ST18: variants seen among roughly 807,000 people sequenced by gnomAD.
The protein encoded by ST18 is ST18 C2H2C-type zinc finger transcription factor, also known as suppression of tumorigenicity 18 protein.
In ST18, 50 loss-of-function variants were observed where a neutral mutation model predicts 110.0. The observed-to-expected ratio is 0.45, with a 90% CI of 0.36 to 0.58. ST18 has a LOEUF of 0.58. Ranked by LOEUF, ST18 falls within the 20% of genes least tolerant of loss-of-function variation. The pLI is 0.00. For synonymous variants in ST18, 461 were observed against 452.4 expected (o/e 1.02, Z -0.24); for missense variants, 1,306 against 1,280.1 (o/e 1.02, Z -0.31).
intron 8 of ST18, among the ~76,000 whole-genome samples, chr8:52,187,888 T>C (rs890369200): frequency 2.6e-5 from 4 of 152,236 alleles, no homozygotes; most frequent in African/African-American, 9.6e-5. Flanking sequence ...AAATAATGAT[T>C]ATTAATTAAT....
chr8:52,226,296 CT>C (rs1156505400), intron 3 of ST18, among the ~76,000 whole-genome samples: 1 of 152,136 alleles, frequency 6.6e-6, no homozygotes, highest in East Asian at 1.9e-4. Flanking sequence ...GCATTGCTGT[CT>C]TTGGGGTGGC....
At chr8:52,116,483 C>T (rs899464503) in intron 24 of ST18, 65 bp from the exon 25 acceptor site, 27 of 1,522,074 alleles carry the variant, frequency 1.8e-5, no homozygotes, top group Middle Eastern at 3.5e-4. Context: ...AGGTTTCTCC[C>T]TGAAGGAAAA....
chr8:52,278,680 G>A (rs1338789201), intron 2 of ST18, among the ~76,000 whole-genome samples: 1 of 152,164 alleles, frequency 6.6e-6, no homozygotes, highest in Non-Finnish European at 1.5e-5. Flanking sequence ...CCTACCAAGA[G>A]TAACTGAAAG....
At chr8:52,396,572 G>T (rs1841203939) in intron 2 of ST18, among the ~76,000 whole-genome samples, 1 of 152,134 alleles carries the variant, frequency 6.6e-6, no homozygotes, top group African/African-American at 2.4e-5. Flanking sequence ...CCACATGGCT[G>T]GGGGAGGCCT....
intron 2 of ST18, among the ~76,000 whole-genome samples, chr8:52,361,359 T>G (rs1825661673): frequency 6.6e-6 from 1 of 152,132 alleles, no homozygotes; most frequent in Non-Finnish European, 1.5e-5. Flanking sequence ...ACTAGAGTCT[T>G]GAGGGGGATG....
At chr8:52,138,074 C>T (rs946614077) in intron 17 of ST18, among the ~76,000 whole-genome samples, 4 of 62,294 alleles carry the variant, frequency 6.4e-5, no homozygotes, top group Non-Finnish European at 1.2e-4. Context: ...CACTGGGCAA[C>T]AAGAGTAAAA....
intron 2 of ST18, among the ~76,000 whole-genome samples, chr8:52,252,536 A>G (rs1388503848): frequency 6.6e-6 from 1 of 151,912 alleles, no homozygotes; most frequent in Non-Finnish European, 1.5e-5. Context: ...ACATAATCAC[A>G]TTAGGATCTC....
chr8:52,235,929 A>T (rs115418057), intron 2 of ST18, among the ~76,000 whole-genome samples: 4,472 of 152,284 alleles, frequency 0.029, 123 homozygotes, highest in East Asian at 0.079. Flanking sequence ...GTCAAAAGAA[A>T]ATACTAAACT....
At chr8:52,241,961 ATTTCTCAATATGTTAAAG>A (rs946261502) in intron 2 of ST18, among the ~76,000 whole-genome samples, 16 of 152,092 alleles carry the variant, frequency 1.1e-4, no homozygotes, top group African/African-American at 3.9e-4. Context: ...ACATGTATAC[ATTTCTCAATATGTTAAAG>A]TTTCTCTGCT....
chr8:52,189,997 G>A (rs1213505230), intron 8 of ST18, among the ~76,000 whole-genome samples: 1 of 152,152 alleles, frequency 6.6e-6, no homozygotes, highest in African/African-American at 2.4e-5. Flanking sequence ...TTATATTCTA[G>A]ATGGAATGGC....
At chr8:52,307,033 A>T (rs1013830402) in intron 2 of ST18, among the ~76,000 whole-genome samples, 1 of 152,170 alleles carries the variant, frequency 6.6e-6, no homozygotes, top group Non-Finnish European at 1.5e-5. Context: ...AGAATAAAAA[A>T]ATTAAAAATT....
intron 2 of ST18, among the ~76,000 whole-genome samples, chr8:52,298,519 A>G (rs2095667551): frequency 6.6e-6 from 1 of 152,234 alleles, no homozygotes; most frequent in African/African-American, 2.4e-5. Flanking sequence ...CAATTGATAA[A>G]TTACAGATAC....
At chr8:52,311,806 T>C (rs2095917638) in intron 2 of ST18, among the ~76,000 whole-genome samples, 1 of 152,164 alleles carries the variant, frequency 6.6e-6, no homozygotes, top group Admixed American at 6.5e-5. Context: ...CCCACCAGGT[T>C]CCTCCCTCGA....
intron 2 of ST18, among the ~76,000 whole-genome samples, chr8:52,303,066 C>T (rs1342644253): frequency 6.6e-6 from 1 of 152,128 alleles, no homozygotes; most frequent in Non-Finnish European, 1.5e-5. Flanking sequence ...GGAAACCTGG[C>T]AGATACTGCC....
intron 8 of ST18, among the ~76,000 whole-genome samples, chr8:52,198,662 G>A (rs1564008929): frequency 6.6e-6 from 1 of 152,160 alleles, no homozygotes; most frequent in Admixed American, 6.5e-5. Context: ...GTATATAAAT[G>A]TATGTGTAAT....
chr8:52,307,909 A>T (rs1004107182), intron 2 of ST18, among the ~76,000 whole-genome samples: 9 of 152,190 alleles, frequency 5.9e-5, no homozygotes, highest in African/African-American at 2.4e-5. Flanking sequence ...GGGTAAATAA[A>T]ATTTTCACGT....
chr8:52,303,254 G>T (rs1257766992), intron 2 of ST18, among the ~76,000 whole-genome samples: 1 of 152,256 alleles, frequency 6.6e-6, no homozygotes, highest in African/African-American at 2.4e-5. Flanking sequence ...CTTGCCTCCA[G>T]TGGCCATGGG....
chr8:52,342,118 T>G (rs1815337841), intron 2 of ST18, among the ~76,000 whole-genome samples: 1 of 152,192 alleles, frequency 6.6e-6, no homozygotes, highest in Non-Finnish European at 1.5e-5. Flanking sequence ...AAACAAATGA[T>G]AAATATGTGA....
chr8:52,152,308 A>T (rs2059016084), intron 15 of ST18, among the ~76,000 whole-genome samples: 1 of 152,182 alleles, frequency 6.6e-6, no homozygotes, highest in African/African-American at 2.4e-5. Flanking sequence ...AATGGGCATC[A>T]CTTCTCTCTG....
Sources: gnomAD v4.1 joint callset for allele counts (sites outside exome capture counted in the v4.1 genomes callset) on GRCh38, gnomAD v4.1.1 for gene constraint, MANE v1.5 for transcripts, NCBI Gene and HGNC (gene_info 2026-07-23, HGNC 2026-07-21) for gene names.